The following CARHSP1 variants were observed in gnomAD, a reference collection of about 807,000 sequenced individuals.
The protein encoded by CARHSP1 is calcium-regulated heat-stable protein 1.
A neutral mutation model predicts 12.5 loss-of-function variants in CARHSP1; 14 were observed. The observed-to-expected ratio is 1.12, with a 90% CI of 0.74 to 1.75. The LOEUF (loss-of-function observed/expected upper bound fraction) is 1.75, where lower values mean the gene tolerates loss of function less well. Ranked by LOEUF, CARHSP1 falls within the 40% of genes most tolerant of loss-of-function variation. The pLI is 0.00. For missense variants in CARHSP1, 343 were observed against 201.6 expected (o/e 1.70, Z -4.25); for synonymous variants, 161 against 82.0 (o/e 1.96, Z -5.20).
rs1393171104 is a variant in CARHSP1, at chr16:8,854,422, A to T, written c.*742T>A. 1 of 152,330 alleles carries T rather than the reference A, an allele frequency of 6.6e-6. No homozygotes were observed. The highest frequency in any genetic ancestry group is 6.5e-5 in the Admixed American group (1 of 15,276). The allele number at this position is 152,330 out of a possible 1,614,324, so 9.4% of individuals were successfully genotyped here. On this transcript the variant is annotated 3_prime_UTR_variant, in exon 4 of 4. Transcript: ENST00000311052. ...GTGAAATGGCTGTTGAGTGATGGTC[A>T]CACAACCAGAAGGCAGATGAAAAGG... is the stretch of plus-strand genomic sequence containing the variant.
intron 2 of CARHSP1, 141 bp from the exon 3 acceptor site, chr16:8,858,613 A>G: frequency 9.9e-7 from 1 of 1,013,674 alleles, no homozygotes; most frequent in Non-Finnish European, 1.4e-6. Flanking sequence ...AGGACTGCAC[A>G]ACCCTCAACC....
rs1555457602 is a variant in CARHSP1 at position 8,863,137 on chromosome 16, T to TCC, written c.-7-3803_-7-3802insGG. On this transcript the variant is annotated intron_variant, in intron 1 of 3. Coordinates refer to ENST00000311052, the MANE Select transcript of CARHSP1 (RefSeq NM_014316.4). ...CTTTTTTTTTTTTTTTTTTTTTTTT[T>TCC]CAGATAGGATCTCACTTGGTCACCT... is the stretch of plus-strand genomic sequence containing the variant. Among the ~76,000 whole-genome samples the TCC allele has an allele frequency of 1.8e-3, 229 of 126,302 alleles. 7 individuals carry two copies. Among genetic ancestry groups the TCC allele is most frequent in the Admixed American group, 5.0e-3 (51 of 10,274 alleles). The allele number at this position is 126,302 out of a possible 152,430, so 82.9% of individuals were successfully genotyped here.
intron 1 of CARHSP1, among the ~76,000 whole-genome samples, chr16:8,863,112 C>CTTTTTTTTTTTTTTT (rs71155412): frequency 1.3e-5 from 1 of 74,130 alleles, no homozygotes; most frequent in African/African-American, 5.8e-5. Context: ...ACAAGGATGG[C>CTTTTTTTTTTTTTTT]TTTTTTTTTT....
intron 1 of CARHSP1, chr16:8,860,541 G>A (rs1327558594): frequency 2.0e-6 from 2 of 985,242 alleles, no homozygotes; most frequent in Non-Finnish European, 2.4e-6. Flanking sequence ...CCTTGGGTAA[G>A]TCCTTTCCCA....
rs75056454 is a variant in CARHSP1, at chr16:8,860,389, C to T, written c.-7-1054G>A. On this transcript the variant is annotated intron_variant, in intron 1 of 3. Transcript: ENST00000311052. The stretch of plus-strand genomic sequence containing the variant: ...CTGGAGGGCGGGAATTCCCTAGCTG[C>T]TGCTGTGCTTTTGACAATTTTTCAA... 38 of 985,464 alleles carry T rather than the reference C, an allele frequency of 3.9e-5. No homozygotes were observed. The African/African-American group carries it at 5.9e-4, about 15-fold the overall frequency. The allele number at this position is 985,464 out of a possible 1,614,324, so 61.0% of individuals were successfully genotyped here.
In CARHSP1 at chr16:8,854,040, G is replaced by A. The variant is rs1329513015; in HGVS notation, c.*1124C>T. 1 of 152,066 alleles carries A rather than the reference G, an allele frequency of 6.6e-6. No individual in the cohort carries two copies. Among genetic ancestry groups the A allele is most frequent in the Non-Finnish European group, 1.5e-5 (1 of 68,012 alleles). The allele number at this position is 152,066 out of a possible 1,614,324, so 9.4% of individuals were successfully genotyped here. On this transcript the variant is annotated 3_prime_UTR_variant, in exon 4 of 4. Transcript: ENST00000311052. ...CAGAGGTTGCAGTAAGCTGAGATCG[G>A]GCCACTGCACTCCAGCCTGGGTGAC...
chr16:8,861,781 C>T, intron 1 of CARHSP1: 3 of 1,267,552 alleles, frequency 2.4e-6, no homozygotes, highest in Non-Finnish European at 3.1e-6. Context: ...CCCGCATGAC[C>T]TACCAGCACA....
At chr16:8,861,158 A>ATTTTT (rs765114977) in intron 1 of CARHSP1, among the ~76,000 whole-genome samples, 4 of 51,268 alleles carry the variant, frequency 7.8e-5, no homozygotes, top group African/African-American at 1.7e-4. Flanking sequence ...TCCATGCCTA[A>ATTTTT]TTTTTTTTTT....
chr16:8,857,269 T>TGTTTTTTTTTG (rs756868301), intron 3 of CARHSP1, among the ~76,000 whole-genome samples: 3 of 29,952 alleles, frequency 1.0e-4, no homozygotes, highest in African/African-American at 2.8e-4. Flanking sequence ...ATCTGTTTTT[T>TGTTTTTTTTTG]TTTTTTTTTT....
Position 8,853,429 on chromosome 16 carries a change from C to G in CARHSP1, c.*1735G>C, listed in dbSNP as rs889964785. 1 of 139,728 alleles carries G rather than the reference C, an allele frequency of 7.2e-6. No individual in the cohort carries two copies. 8.7% of individuals were successfully genotyped at this position (139,728 alleles called of 1,614,324 possible). On this transcript the variant is annotated 3_prime_UTR_variant, in exon 4 of 4. Transcript: ENST00000311052. ...GCATCGCAGGCGAGGAAACAATGGC[C>G]AGGACCTAACTGTGGTGGGAACTGC...
intron 1 of CARHSP1, chr16:8,860,132 C>G (rs2061304159): frequency 2.0e-6 from 2 of 985,348 alleles, no homozygotes; most frequent in East Asian, 1.1e-4. Flanking sequence ...CTCCAGGGAA[C>G]TGTGGAACAC....
Position 8,859,224 on chromosome 16 carries a change from C to G in CARHSP1, c.105G>C (p.Arg35=), listed in dbSNP as rs8097. ...RSRERSPSPL[R]GNVVPSPLPT... Reference sequence around the variant, plus strand: ...GCAGTGGGCTTGGGACCACGTTGCCCCGCAGAGGGGATGGTGAGCGCTCAC... The same window carrying G: ...GCAGTGGGCTTGGGACCACGTTGCCGCGCAGAGGGGATGGTGAGCGCTCAC... Residue 35 remains arginine, a synonymous_variant, in exon 2 of 4, where the codon CGG becomes CGC. Transcript: ENST00000311052. The G allele has an allele frequency of 0.63, 1,014,018 of 1,597,628 alleles. 325,851 individuals carry two copies. The highest frequency in any genetic ancestry group is 0.69 in the South Asian group (61,676 of 89,042).
Position 8,867,077 on chromosome 16 carries a change from G to A in CARHSP1, c.-8+1889C>T, listed in dbSNP as rs185565360. 8.7e-4 allele frequency among the ~76,000 whole-genome samples: 132 copies of A among 152,136 alleles called. 1 individual carries two copies. The highest frequency in any genetic ancestry group is 6.6e-3 in the Admixed American group (101 of 15,298). On this transcript the variant is annotated intron_variant, in intron 1 of 3. Coordinates refer to ENST00000311052, the MANE Select transcript of CARHSP1 (RefSeq NM_014316.4). ...GGCGACCCCACCCAGCAGGGAGACG[G>A]TCACCCCACCGCCACCACCCACCTG... is the stretch of plus-strand genomic sequence containing the variant.
rs200209809 is a variant in CARHSP1, at chr16:8,858,518, G to A, written c.159-46C>T. On this transcript the variant is annotated intron_variant, in intron 2 of 3. Transcript: ENST00000311052. Reference sequence around the variant, plus strand: ...TCAGGGGCCCCATCAGCGCTCCTGGGCACACAAAGCTCATTCCAGCCCCTG... The same window carrying A: ...TCAGGGGCCCCATCAGCGCTCCTGGACACACAAAGCTCATTCCAGCCCCTG... 3.7e-6 allele frequency: 6 copies of A among 1,601,366 alleles called. No individual in the cohort carries two copies. The East Asian group carries it at 1.3e-4, about 36-fold the overall frequency.
At chr16:8,863,350 C>T (rs184782809) in intron 1 of CARHSP1, among the ~76,000 whole-genome samples, 12 of 152,090 alleles carry the variant, frequency 7.9e-5, no homozygotes, top group Admixed American at 1.3e-4. Context: ...TGGGCTCAAG[C>T]GATCGGCGCA....
chr16:8,857,263 GTTTTTTTTTTT>G (rs756390920), intron 3 of CARHSP1, among the ~76,000 whole-genome samples: 31 of 57,020 alleles, frequency 5.4e-4, no homozygotes, highest in East Asian at 8.9e-4. Flanking sequence ...GGGCAGATCT[GTTTTTTTTTTT>G]TTTTTTTTTT....
At chr16:8,862,722 T>A (rs1356699852) in intron 1 of CARHSP1, among the ~76,000 whole-genome samples, 1 of 151,792 alleles carries the variant, frequency 6.6e-6, no homozygotes, top group Non-Finnish European at 1.5e-5. Flanking sequence ...CTGAGGCCAG[T>A]GGGGAAACCA....
intron 2 of CARHSP1, 113 bp downstream of exon 2, chr16:8,859,058 G>T: frequency 9.9e-7 from 1 of 1,005,666 alleles, no homozygotes. Context: ...CCCCAGGTCT[G>T]CCTATTTGGC....
chr16:8,858,846 G>T, intron 2 of CARHSP1: 1 of 409,902 alleles, frequency 2.4e-6, no homozygotes, highest in South Asian at 4.7e-5. Context: ...TGCAGCCCTG[G>T]TGCTGTGCCC....
Sources: allele counts gnomAD v4.1 joint callset (sites outside exome capture counted in the v4.1 genomes callset), GRCh38; gene constraint gnomAD v4.1.1; transcripts MANE v1.5; gene names NCBI Gene and HGNC (gene_info 2026-07-23, HGNC 2026-07-21).